EIF2A: variants seen among roughly 807,000 people sequenced by gnomAD.
EIF2A encodes the protein eukaryotic translation initiation factor 2A.
EIF2A carries 62 observed loss-of-function variants against 75.2 expected under a neutral mutation model. That is an observed-to-expected ratio of 0.82 (90% confidence interval 0.67 to 1.02). The LOEUF (loss-of-function observed/expected upper bound fraction) is 1.02. EIF2A is among the 50% of genes least tolerant of loss of function. The pLI, the probability that EIF2A is intolerant of heterozygous loss-of-function variation, is 0.00. For missense variants in EIF2A, 611 were observed against 677.7 expected (o/e 0.90, Z 1.09); for synonymous variants, 207 against 239.0 (o/e 0.87, Z 1.23).
intron 3 of EIF2A, among the ~76,000 whole-genome samples, chr3:150,559,576 C>T (rs147776048): frequency 1.2e-3 from 185 of 150,036 alleles, no homozygotes; most frequent in African/African-American, 4.2e-3. Context: ...CAGCAACCTC[C>T]GCCTCCCAGG....
rs1249711553 is a variant in EIF2A at position 150,558,428 on chromosome 3, G to T, written c.139G>T (p.Asp47Tyr). The T allele has an allele frequency of 6.6e-7, 1 of 1,522,616 alleles. No homozygotes were observed. The highest frequency in any genetic ancestry group is 8.7e-7 in the Non-Finnish European group (1 of 1,144,144). 94.3% of individuals were successfully genotyped at this position (1,522,616 alleles called of 1,614,324 possible). A position where few individuals can be genotyped will look rare whatever the true frequency, so the allele number is the denominator to read the frequency against. ...KNCKVCIFSK[D>Y]GTLFAWGNGE... ...TTGCAAAGTCTGTATCTTTAGTAAG[G>T]ATGGGACCTTGTTTGCCTGGGGCAA... is the stretch of plus-strand genomic sequence containing the variant. Residue 47 changes from aspartate to tyrosine, a missense_variant, in exon 3 of 14, where the codon GAT (aspartate) becomes TAT (tyrosine). Physicochemically the swap from Asp to Tyr is radical, Grantham distance 160. Transcript: ENST00000460851.
chr3:150,560,850 T>A (rs2107919959), intron 3 of EIF2A, among the ~76,000 whole-genome samples: 1 of 152,242 alleles, frequency 6.6e-6, no homozygotes, highest in Admixed American at 6.5e-5. Context: ...CAAATCATTT[T>A]ATTTTTCTAA....
chr3:150,552,526 T>C (rs1442317302), intron 2 of EIF2A, 101 bp downstream of exon 2: 5 of 912,632 alleles, frequency 5.5e-6, no homozygotes, highest in Non-Finnish European at 8.3e-6. Context: ...AAAGAACAGA[T>C]GAACTCATTT....
chr3:150,579,788 A>C (rs1238004287), intron 11 of EIF2A, among the ~76,000 whole-genome samples: 1 of 152,164 alleles, frequency 6.6e-6, no homozygotes, highest in East Asian at 1.9e-4. Flanking sequence ...AATATCTAGA[A>C]GTGATACCCT....
chr3:150,574,849 A>G (rs1200136922), intron 10 of EIF2A, among the ~76,000 whole-genome samples: 5 of 152,250 alleles, frequency 3.3e-5, no homozygotes, highest in African/African-American at 4.8e-5. Context: ...GAGTTATGGT[A>G]CAGTCTAAGA....
At chr3:150,583,341 C>A in intron 13 of EIF2A, 76 bp downstream of exon 13, 1 of 1,395,424 alleles carries the variant, frequency 7.2e-7, no homozygotes, top group South Asian at 1.3e-5. Flanking sequence ...AGTATTTAGT[C>A]AGGTAAAAGA....
At chr3:150,563,315 A>G (rs1053831838) in intron 4 of EIF2A, among the ~76,000 whole-genome samples, 200 bp from the exon 5 acceptor site, 12 of 152,178 alleles carry the variant, frequency 7.9e-5, no homozygotes, top group African/African-American at 2.9e-4. Flanking sequence ...TAAATGAAAG[A>G]GATACTGAGA....
intron 2 of EIF2A, 74 bp from the exon 3 acceptor site, chr3:150,558,314 T>A: frequency 7.7e-7 from 1 of 1,293,466 alleles, no homozygotes; most frequent in Non-Finnish European, 1.0e-6. Context: ...GTGAAATGGT[T>A]GACTTTATAA....
At chr3:150,553,501 C>T (rs1394636003) in intron 2 of EIF2A, among the ~76,000 whole-genome samples, 1 of 152,012 alleles carries the variant, frequency 6.6e-6, no homozygotes, top group Non-Finnish European at 1.5e-5. Flanking sequence ...CTCTGCCCCC[C>T]AGGTTCAAGC....
At chr3:150,551,763 A>G (rs1175369685) in intron 1 of EIF2A, among the ~76,000 whole-genome samples, 1 of 152,124 alleles carries the variant, frequency 6.6e-6, no homozygotes, top group Admixed American at 6.5e-5. Context: ...AATAAGAAGT[A>G]TAGTCTAGTT....
intron 13 of EIF2A, 142 bp downstream of exon 13, chr3:150,583,407 T>C: frequency 2.8e-6 from 2 of 717,534 alleles, no homozygotes; most frequent in South Asian, 4.7e-5. Flanking sequence ...CTTTTTAATG[T>C]TTTTACTTTT....
At chr3:150,558,517 G>A in intron 3 of EIF2A, 55 bp downstream of exon 3, 1 of 1,355,646 alleles carries the variant, frequency 7.4e-7, no homozygotes, top group African/African-American at 1.5e-5. Context: ...AACACAACTG[G>A]CATTATTTGA....
rs779451393 is a variant in EIF2A at position 150,567,885 on chromosome 3, A to C, written c.550-17A>C. The C allele has an allele frequency of 3.8e-6, 6 of 1,588,430 alleles. No homozygotes were observed. The South Asian group carries it at 5.8e-5, about 15-fold the overall frequency. On this transcript the variant is annotated splice_polypyrimidine_tract_variant and intron_variant, in intron 7 of 13. Transcript: ENST00000460851. ...TCTTCAAAAAATTAAGTAATGATTT[A>C]TGTCTATGTATCTTAGGTGGCTGTC...
chr3:150,573,537 C>T (rs1210055164), intron 10 of EIF2A, among the ~76,000 whole-genome samples: 1 of 152,210 alleles, frequency 6.6e-6, no homozygotes, highest in Non-Finnish European at 1.5e-5. Context: ...CAGGCATGAG[C>T]CACTGTACCC....
chr3:150,555,069 AG>A (rs995253609), intron 2 of EIF2A, among the ~76,000 whole-genome samples: 1 of 152,078 alleles, frequency 6.6e-6, no homozygotes, highest in Non-Finnish European at 1.5e-5. Context: ...CTGGGACTAT[AG>A]GCGCATGCCA....
chr3:150,568,336 T>TA (rs1372091353), intron 9 of EIF2A, 44 bp downstream of exon 9: 1 of 1,418,580 alleles, frequency 7.0e-7, no homozygotes, highest in Non-Finnish European at 9.7e-7. Flanking sequence ...ACAATGATAG[T>TA]AAAAAATACT....
chr3:150,568,716 G>A (rs1033220802), intron 9 of EIF2A, among the ~76,000 whole-genome samples: 1 of 152,040 alleles, frequency 6.6e-6, no homozygotes, highest in Non-Finnish European at 1.5e-5. Context: ...AGGAGTTCAA[G>A]ACCAGCCTGA....
chr3:150,573,387 G>A (rs923560500), intron 10 of EIF2A, among the ~76,000 whole-genome samples: 5 of 152,014 alleles, frequency 3.3e-5, no homozygotes, highest in African/African-American at 1.2e-4. Context: ...TGAGTAGCTG[G>A]GATTACAGTG....
intron 2 of EIF2A, chr3:150,552,761 G>A (rs992487914): frequency 1.1e-5 from 2 of 176,040 alleles, no homozygotes; most frequent in African/African-American, 4.7e-5. Flanking sequence ...ATCATGGCCA[G>A]TAATCTTAGT....
Sources: gnomAD v4.1 joint callset for allele counts (sites outside exome capture counted in the v4.1 genomes callset) on GRCh38, gnomAD v4.1.1 for gene constraint, MANE v1.5 for transcripts, NCBI Gene and HGNC (gene_info 2026-07-23, HGNC 2026-07-21) for gene names.